RAB3C: variants seen among roughly 807,000 people sequenced by gnomAD.
RAB3C encodes RAB3C, member RAS oncogene family.
RAB3C carries 17 observed loss-of-function variants against 26.4 expected under a neutral mutation model. The observed-to-expected ratio is 0.64, with a 90% CI of 0.44 to 0.97. The LOEUF is 0.97. Among genes scored for constraint, RAB3C ranks in the 50% least tolerant of loss-of-function variants. The pLI is 0.00. For synonymous variants in RAB3C, 91 were observed against 95.9 expected, an observed-to-expected ratio of 0.95 and a Z score of 0.30; for missense variants, 242 against 281.9, an observed-to-expected ratio of 0.86 and a Z score of 1.01.
At chr5:58,761,057 T>A (rs898439045) in intron 3 of RAB3C, among the ~76,000 whole-genome samples, 2 of 72,306 alleles carry the variant, frequency 2.8e-5, no homozygotes, top group Middle Eastern at 9.3e-3. Flanking sequence ...TCCCTCTCTC[T>A]CTCTCTCACA....
intron 3 of RAB3C, among the ~76,000 whole-genome samples, chr5:58,793,766 A>T (rs56260311): frequency 0.098 from 14,943 of 152,200 alleles, 943 homozygotes; most frequent in Non-Finnish European, 0.15. Flanking sequence ...TTTTAAAAGC[A>T]TCTGTGTATT....
chr5:58,675,855 G>A lies in RAB3C; in HGVS notation c.253-50147G>A, dbSNP rs975983006. 4.6e-5 allele frequency among the ~76,000 whole-genome samples: 7 copies of A among 152,038 alleles called. No individual in the cohort carries two copies. The South Asian group carries it at 6.3e-4, about 14-fold the overall frequency. ...CCTACTCATTGACTCCTCTGTTGGC[G>A]TCAGCTTTCCCCTCTGGTCTCCTGG... On this transcript the variant is annotated intron_variant, in intron 2 of 4. Coordinates refer to ENST00000282878, the MANE Select transcript of RAB3C (RefSeq NM_138453.4).
intron 2 of RAB3C, among the ~76,000 whole-genome samples, chr5:58,698,893 T>G (rs1057160083): frequency 5.9e-5 from 9 of 152,182 alleles, no homozygotes; most frequent in Admixed American, 5.2e-4. Flanking sequence ...CTCGGAGAAG[T>G]TTGTTATTAC....
intron 2 of RAB3C, among the ~76,000 whole-genome samples, chr5:58,706,172 A>G (rs1480096493): frequency 6.6e-6 from 1 of 152,204 alleles, no homozygotes; most frequent in Non-Finnish European, 1.5e-5. Flanking sequence ...GGAATAGTTT[A>G]TGGTGGCCAT....
rs116216440 is a variant in RAB3C at position 58,774,930 on chromosome 5, C to T, written c.371+48810C>T. 6.6e-3 allele frequency among the ~76,000 whole-genome samples: 1,002 copies of T among 152,142 alleles called. 9 individuals are homozygous for T. The highest frequency in any genetic ancestry group is 0.023 in the African/African-American group (945 of 41,516). On this transcript the variant is annotated intron_variant, in intron 3 of 4. Transcript: ENST00000282878. ...AGATCTTGAGGGCCTTGTGAAGCAT[C>T]GTGACTAAGGACTTTGGCTTTTGCT...
intron 3 of RAB3C, among the ~76,000 whole-genome samples, chr5:58,776,769 G>T (rs1003464876): frequency 1.3e-5 from 2 of 152,072 alleles, no homozygotes; most frequent in Non-Finnish European, 2.9e-5. Flanking sequence ...GGTTGGGGAG[G>T]TTCCGCTCTA....
At chr5:58,778,190 A>C (rs1742192627) in intron 3 of RAB3C, among the ~76,000 whole-genome samples, 1 of 152,142 alleles carries the variant, frequency 6.6e-6, no homozygotes, top group African/African-American at 2.4e-5. Flanking sequence ...CATTGGATTT[A>C]GGAGGAAACA....
chr5:58,721,281 G>A (rs293029), intron 2 of RAB3C, among the ~76,000 whole-genome samples: 80,923 of 147,706 alleles, frequency 0.55, 22,441 homozygotes, highest in Non-Finnish European at 0.6. Flanking sequence ...AATGAAAGCT[G>A]TATCACTCAT....
At chr5:58,808,439 G>A (rs1742994776) in intron 3 of RAB3C, among the ~76,000 whole-genome samples, 1 of 152,048 alleles carries the variant, frequency 6.6e-6, no homozygotes, top group East Asian at 1.9e-4. Flanking sequence ...TCTGTTTCAG[G>A]AAATAAAACT....
At chr5:58,647,195 G>T (rs1034021165) in intron 2 of RAB3C, among the ~76,000 whole-genome samples, 1 of 152,134 alleles carries the variant, frequency 6.6e-6, no homozygotes. Flanking sequence ...GTATTAGTCC[G>T]TTCTCAGACT....
At chr5:58,684,038 G>A (rs1005960020) in intron 2 of RAB3C, among the ~76,000 whole-genome samples, 1 of 151,952 alleles carries the variant, frequency 6.6e-6, no homozygotes, top group Non-Finnish European at 1.5e-5. Context: ...CTCCATATTT[G>A]TGCATTCCAC....
At chr5:58,652,042 C>A (rs1747663704) in intron 2 of RAB3C, among the ~76,000 whole-genome samples, 1 of 151,792 alleles carries the variant, frequency 6.6e-6, no homozygotes, top group African/African-American at 2.4e-5. Context: ...TTGTTTGAAT[C>A]CATGTTTGCA....
At chr5:58,705,323 G>A (rs1050527142) in intron 2 of RAB3C, among the ~76,000 whole-genome samples, 1 of 152,102 alleles carries the variant, frequency 6.6e-6, no homozygotes, top group Non-Finnish European at 1.5e-5. Context: ...GAATTCCATT[G>A]CACCAATTGG....
At chr5:58,646,078 A>G (rs1329702333) in intron 2 of RAB3C, among the ~76,000 whole-genome samples, 1 of 152,168 alleles carries the variant, frequency 6.6e-6, no homozygotes, top group Non-Finnish European at 1.5e-5. Context: ...AAAAGGAGCG[A>G]AGTCGAATGA....
At chr5:58,849,720 G>T (rs1744075034) in intron 4 of RAB3C, among the ~76,000 whole-genome samples, 1 of 152,198 alleles carries the variant, frequency 6.6e-6, no homozygotes, top group Non-Finnish European at 1.5e-5. Context: ...AGTAGCTAGT[G>T]AAATTCAAGC....
At chr5:58,754,716 T>C (rs1741614333) in intron 3 of RAB3C, among the ~76,000 whole-genome samples, 1 of 152,152 alleles carries the variant, frequency 6.6e-6, no homozygotes, top group Non-Finnish European at 1.5e-5. Context: ...CGCAATCTCT[T>C]CATACTTTAT....
upstream of RAB3C, chr5:58,582,532 T>C (rs1745920771): frequency 2.9e-6 from 1 of 346,240 alleles, no homozygotes; most frequent in Non-Finnish European, 4.1e-6. Flanking sequence ...AGTGCAATTA[T>C]GCGGATAAAC....
At chr5:58,656,331 T>C (rs980299415) in intron 2 of RAB3C, among the ~76,000 whole-genome samples, 1 of 152,150 alleles carries the variant, frequency 6.6e-6, no homozygotes, top group Non-Finnish European at 1.5e-5. Context: ...ATAATGTACT[T>C]TGTATTTGAC....
intron 4 of RAB3C, among the ~76,000 whole-genome samples, chr5:58,846,411 G>T (rs1241009020): frequency 1.3e-5 from 2 of 152,142 alleles, no homozygotes; most frequent in African/African-American, 2.4e-5. Context: ...CAGGTGATTT[G>T]CTCTGTCACC....
Sources: allele counts gnomAD v4.1 joint callset (sites outside exome capture counted in the v4.1 genomes callset), GRCh38; gene constraint gnomAD v4.1.1; transcripts MANE v1.5; gene names NCBI Gene and HGNC (gene_info 2026-07-23, HGNC 2026-07-21).